Variants in ROBO2 observed in about 807,000 individuals in gnomAD.
ROBO2 encodes the protein roundabout guidance receptor 2, also known as roundabout homolog 2.
A neutral mutation model predicts 160.8 loss-of-function variants in ROBO2; 53 were observed. The ratio of observed to expected loss-of-function variants is 0.33; its 90% CI spans 0.26 to 0.41. The LOEUF (loss-of-function observed/expected upper bound fraction) is 0.41. Ranked by LOEUF, ROBO2 falls within the 10% of genes least tolerant of loss-of-function variation. The probability of loss-of-function intolerance (pLI) is 1.00; values close to 1 mark genes in which losing one functional copy is unlikely to be tolerated. For missense variants in ROBO2, 1,577 were observed against 1,722.4 expected, an observed-to-expected ratio of 0.92 and a Z score of 1.49; for synonymous variants, 664 against 611.7, an observed-to-expected ratio of 1.09 and a Z score of -1.26.
At chr3:77,346,167 G>A (rs538829301) in intron 2 of ROBO2, among the ~76,000 whole-genome samples, 1 of 152,208 alleles carries the variant, frequency 6.6e-6, no homozygotes, top group Non-Finnish European at 1.5e-5. Flanking sequence ...TAATGATTCT[G>A]TAACTCTCAA....
At chr3:77,191,606 A>G (rs995715833) in intron 2 of ROBO2, among the ~76,000 whole-genome samples, 1 of 152,192 alleles carries the variant, frequency 6.6e-6, no homozygotes, top group Non-Finnish European at 1.5e-5. Flanking sequence ...TGAAAGTTTC[A>G]TCTAACTGGG....
At chr3:75,937,617 G>A (rs1434998458) in intron 2 of ROBO2, 10 of 1,452,090 alleles carry the variant, frequency 6.9e-6, no homozygotes, top group Admixed American at 4.2e-5. Context: ...GTGCAAGGAT[G>A]TTCTAATTCT....
At chr3:77,293,916 C>A (rs533023610) in intron 2 of ROBO2, among the ~76,000 whole-genome samples, 1 of 136,654 alleles carries the variant, frequency 7.3e-6, no homozygotes, top group South Asian at 2.4e-4. Flanking sequence ...GCTAGATCAC[C>A]CCAGACATAA....
chr3:77,332,247 T>A (rs1312480766), intron 2 of ROBO2, among the ~76,000 whole-genome samples: 1 of 152,228 alleles, frequency 6.6e-6, no homozygotes, highest in Non-Finnish European at 1.5e-5. Flanking sequence ...TTCTCTTGCC[T>A]TTGTTTTCAT....
At chr3:77,596,380 A>G (rs1365419271) in intron 18 of ROBO2, among the ~76,000 whole-genome samples, 4 of 152,148 alleles carry the variant, frequency 2.6e-5, no homozygotes. Flanking sequence ...TACCAGTTTC[A>G]GGGCAGACAC....
At chr3:77,526,303 T>C (rs921813506) in intron 6 of ROBO2, among the ~76,000 whole-genome samples, 19 of 151,684 alleles carry the variant, frequency 1.3e-4, no homozygotes, top group Admixed American at 2.6e-4. Context: ...TGTGTAAATA[T>C]GTTTTCAATG....
chr3:76,112,054 A>G (rs1303022120), intron 2 of ROBO2, among the ~76,000 whole-genome samples: 7 of 152,078 alleles, frequency 4.6e-5, no homozygotes, highest in Non-Finnish European at 2.9e-5. Context: ...CTCTGAGCTA[A>G]TAAGTCACCA....
At chr3:76,607,148 G>T (rs2087729305) in intron 2 of ROBO2, among the ~76,000 whole-genome samples, 1 of 152,088 alleles carries the variant, frequency 6.6e-6, no homozygotes, top group South Asian at 2.1e-4. Context: ...TGAACTCCTG[G>T]ACAGGAGCAA....
intron 2 of ROBO2, among the ~76,000 whole-genome samples, chr3:76,333,288 C>G (rs1001534466): frequency 6.6e-6 from 1 of 152,172 alleles, no homozygotes; most frequent in African/African-American, 2.4e-5. Flanking sequence ...ATGCCTAAGA[C>G]AGTGTCCAGT....
intron 2 of ROBO2, among the ~76,000 whole-genome samples, chr3:77,024,987 TA>T (rs200808471): frequency 2.0e-5 from 3 of 150,508 alleles, no homozygotes; most frequent in East Asian, 1.9e-4. Context: ...TTTTTTGTTT[TA>T]AAAAAAAAGG....
At chr3:76,376,435 C>G (rs2076349331) in intron 2 of ROBO2, among the ~76,000 whole-genome samples, 1 of 152,092 alleles carries the variant, frequency 6.6e-6, no homozygotes, top group Non-Finnish European at 1.5e-5. Flanking sequence ...TTGTTTGTGT[C>G]TCCTGTTCTT....
intron 21 of ROBO2, among the ~76,000 whole-genome samples, chr3:77,610,104 C>G (rs1165179931): frequency 1.3e-5 from 2 of 151,298 alleles, no homozygotes; most frequent in Admixed American, 6.6e-5. Flanking sequence ...TTTTGATATT[C>G]TTTATACTTT....
chr3:77,543,155 C>CTT (rs200560593), intron 6 of ROBO2, among the ~76,000 whole-genome samples: 2 of 151,456 alleles, frequency 1.3e-5, no homozygotes, highest in African/African-American at 4.9e-5. Context: ...CAGCTTTTCT[C>CTT]TTTTTTTTTC....
intron 2 of ROBO2, among the ~76,000 whole-genome samples, chr3:76,646,983 A>G (rs1560299108): frequency 6.6e-6 from 1 of 152,158 alleles, no homozygotes; most frequent in Non-Finnish European, 1.5e-5. Context: ...AAGACTTAGA[A>G]GCCTGGAAAT....
At chr3:77,042,466 A>AT (rs1471724222) in intron 1 of ROBO2, among the ~76,000 whole-genome samples, 6 of 152,214 alleles carry the variant, frequency 3.9e-5, no homozygotes, top group Non-Finnish European at 7.3e-5. Flanking sequence ...AGACTACAAA[A>AT]TTATCACCAA....
intron 1 of ROBO2, among the ~76,000 whole-genome samples, chr3:75,909,494 A>T (rs1223638341): frequency 6.6e-6 from 1 of 152,204 alleles, no homozygotes; most frequent in Non-Finnish European, 1.5e-5. Flanking sequence ...ACAACTTTGC[A>T]TCTGATTACA....
intron 16 of ROBO2, among the ~76,000 whole-genome samples, chr3:77,584,878 T>TTA (rs1202470089): frequency 1.4e-4 from 17 of 118,192 alleles, no homozygotes; most frequent in African/African-American, 3.9e-4. Flanking sequence ...ACTTAAGAAG[T>TTA]TATATATATA....
chr3:76,992,565 T>G (rs970891065), intron 2 of ROBO2, among the ~76,000 whole-genome samples: 3 of 151,742 alleles, frequency 2.0e-5, no homozygotes, highest in African/African-American at 7.2e-5. Context: ...AAAAAAATCA[T>G]GCACTTGGAC....
chr3:75,943,160 G>T (rs1158139980), intron 2 of ROBO2, among the ~76,000 whole-genome samples: 1 of 152,128 alleles, frequency 6.6e-6, no homozygotes, highest in Non-Finnish European at 1.5e-5. Context: ...TATAAGGAAA[G>T]AAGTTGATAA....
Sources: allele counts gnomAD v4.1 joint callset (sites outside exome capture counted in the v4.1 genomes callset), GRCh38; gene constraint gnomAD v4.1.1; transcripts MANE v1.5; gene names NCBI Gene and HGNC (gene_info 2026-07-23, HGNC 2026-07-21).